Variants in DNAH7 observed in about 807,000 individuals in gnomAD.
DNAH7 encodes the protein axonemal beta dynein heavy chain 7.
DNAH7 carries 397 observed loss-of-function variants against 444.6 expected under a neutral mutation model. The observed-to-expected ratio is 0.89, with a 90% CI of 0.82 to 0.97. The LOEUF is 0.97. Among genes scored for constraint, DNAH7 ranks in the 50% least tolerant of loss-of-function variants. The pLI is 0.00. For synonymous variants in DNAH7, 1,636 were observed against 1,624.4 expected (o/e 1.01, Z -0.17); for missense variants, 4,902 against 4,800.8 (o/e 1.02, Z -0.62).
intron 28 of DNAH7, 55 bp downstream of exon 28, chr2:195,900,226 TA>T: frequency 1.3e-6 from 2 of 1,568,520 alleles, no homozygotes; most frequent in South Asian, 2.2e-5. Context: ...GAAGACCCAT[TA>T]GGCTGGAAAT....
Position 196,047,226 on chromosome 2 carries a change from T to C in DNAH7, c.398+126A>G, listed in dbSNP as rs999812304. On this transcript the variant is annotated intron_variant, in intron 5 of 64. Transcript: ENST00000312428. ...AATCTCTTTCATTCTTTATTTATAC[T>C]CTGACCTCATTCCAACAAGCCTTTG... 3 of 700,610 alleles carry C rather than the reference T, an allele frequency of 4.3e-6. No individual in the cohort carries two copies. In the African/African-American group the frequency reaches 5.5e-5, roughly 13 times the overall value. 43.4% of individuals were successfully genotyped at this position (700,610 alleles called of 1,614,324 possible).
intron 10 of DNAH7, among the ~76,000 whole-genome samples, chr2:196,003,991 G>A (rs1574997356): frequency 6.6e-6 from 1 of 152,116 alleles, no homozygotes; most frequent in African/African-American, 2.4e-5. Context: ...GGTAAGGTGT[G>A]GTTACAGACT....
chr2:195,985,481 G>C (rs1692845971), intron 14 of DNAH7, among the ~76,000 whole-genome samples: 1 of 152,194 alleles, frequency 6.6e-6, no homozygotes, highest in Non-Finnish European at 1.5e-5. Flanking sequence ...TGAGCTCCTA[G>C]GCAGAGAGAA....
At chr2:195,796,030 GT>G (rs1343250586) in intron 56 of DNAH7, among the ~76,000 whole-genome samples, 3 of 152,076 alleles carry the variant, frequency 2.0e-5, no homozygotes, top group Non-Finnish European at 2.9e-5. Context: ...GCTACATGGA[GT>G]TTTTTTCCTG....
At chr2:195,802,500 C>CA (rs978798695) in intron 54 of DNAH7, among the ~76,000 whole-genome samples, 1 of 151,902 alleles carries the variant, frequency 6.6e-6, no homozygotes, top group Non-Finnish European at 1.5e-5. Context: ...AACTCCATCT[C>CA]AAAAAAATTT....
At chr2:195,829,926 C>T (rs898397376) in intron 48 of DNAH7, among the ~76,000 whole-genome samples, 1 of 151,536 alleles carries the variant, frequency 6.6e-6, no homozygotes, top group South Asian at 2.1e-4. Flanking sequence ...TTATATTATG[C>T]GTCTCACCGG....
chr2:195,912,410 T>C (rs1435134521), intron 24 of DNAH7, among the ~76,000 whole-genome samples: 1 of 152,170 alleles, frequency 6.6e-6, no homozygotes, highest in African/African-American at 2.4e-5. Flanking sequence ...TTCCCACTGC[T>C]GGCAAAACAA....
intron 48 of DNAH7, among the ~76,000 whole-genome samples, chr2:195,833,586 A>G (rs1698174760): frequency 6.6e-6 from 1 of 152,206 alleles, no homozygotes; most frequent in Admixed American, 6.5e-5. Flanking sequence ...AGCATGACTA[A>G]TAACCCCAAT....
intron 34 of DNAH7, among the ~76,000 whole-genome samples, 180 bp from the exon 35 acceptor site, chr2:195,884,989 G>A (rs1701626608): frequency 6.6e-6 from 1 of 152,160 alleles, no homozygotes; most frequent in South Asian, 2.1e-4. Context: ...CAAATCGCAT[G>A]CTTATAAAAT....
In DNAH7 at chr2:195,891,732, CGTACA is replaced by C. The variant is rs1559192278; in HGVS notation, c.4964_4968del (p.Leu1655ArgfsTer4). The C allele has an allele frequency of 1.2e-6, 2 of 1,609,162 alleles. No individual in the cohort carries two copies. Among genetic ancestry groups the C allele is most frequent in the South Asian group, 2.2e-5 (2 of 89,658 alleles). ...TCATGGGACACTGAATCAAACTGTCCGTACAGTTGGCCCATGGTGACAGACTTAGG... is the reference window on the plus strand; with the variant it reads ...TCATGGGACACTGAATCAAACTGTCCGTTGGCCCATGGTGACAGACTTAGG... On this transcript the variant is annotated frameshift_variant, in exon 31 of 65. Transcript: ENST00000312428. LOFTEE classifies it high-confidence loss of function.
At chr2:195,907,653 C>A (rs1046920560) in intron 25 of DNAH7, among the ~76,000 whole-genome samples, 15 of 152,244 alleles carry the variant, frequency 9.9e-5, no homozygotes, top group East Asian at 3.9e-4. Flanking sequence ...ATCGAGTACA[C>A]TGTATGTGCC....
intron 27 of DNAH7, chr2:195,902,600 T>C (rs1016332042): frequency 2.6e-5 from 4 of 152,166 alleles, no homozygotes; most frequent in African/African-American, 9.7e-5. Context: ...AGGTTTCCCT[T>C]TGACCACCCT....
chr2:195,963,069 A>G (rs1691219772), intron 17 of DNAH7, among the ~76,000 whole-genome samples: 1 of 152,218 alleles, frequency 6.6e-6, no homozygotes, highest in African/African-American at 2.4e-5. Flanking sequence ...GTTCTGCAAC[A>G]ATCATGGGAA....
intron 12 of DNAH7, chr2:195,994,718 G>C (rs1349441277): frequency 2.0e-6 from 1 of 489,322 alleles, no homozygotes; most frequent in South Asian, 1.6e-5. Context: ...TGGTCTTTAA[G>C]ACCACTAAGT....
rs62203618 is a variant in DNAH7, at chr2:195,738,048, C to A, written c.11948G>T (p.Arg3983Leu). 18 of 1,614,000 alleles carry A rather than the reference C, an allele frequency of 1.1e-5. No homozygotes were observed. The highest frequency in any genetic ancestry group is 4.4e-5 in the South Asian group (4 of 91,082). The change falls in exon 65 of 65, where the codon CGG (arginine) becomes CTG (leucine). Residue 3983 changes from arginine to leucine, a missense_variant. Arg to Leu is a moderately radical substitution (Grantham distance 102). Coordinates refer to ENST00000312428, the MANE Select transcript of DNAH7 (RefSeq NM_018897.3). The part of the protein sequence containing the change: ...YVAPLYKTSE[R>L]RGVLSTTGHS... Reference sequence around the variant, plus strand: ...GCCAGTGGTGGATAATACTCCTCTCCGCTCACTTGTCTTATACAATGGAGC... The same window carrying A: ...GCCAGTGGTGGATAATACTCCTCTCAGCTCACTTGTCTTATACAATGGAGC...
At chr2:195,926,587 T>G (rs1688351337) in intron 21 of DNAH7, 21 bp from the exon 22 acceptor site, 1 of 1,567,384 alleles carries the variant, frequency 6.4e-7, no homozygotes, top group African/African-American at 1.4e-5. Context: ...AAGAATATGC[T>G]AAATATTAAC....
In DNAH7 at chr2:195,796,715, C is replaced by A; in HGVS notation, c.10376G>T (p.Ser3459Ile). The A allele has an allele frequency of 6.2e-7, 1 of 1,614,086 alleles. No homozygotes were observed. Among genetic ancestry groups the A allele is most frequent in the Non-Finnish European group, 8.5e-7 (1 of 1,179,958 alleles). ...TTGGCCTTGACCAAGAGATAAAGAGCTAAGTTTTGATCCCCCATATCCCTG... is the reference window on the plus strand; with the variant it reads ...TTGGCCTTGACCAAGAGATAAAGAGATAAGTTTTGATCCCCCATATCCCTG... The part of the protein sequence containing the change: ...DDQGYGGSKL[S>I]SLSLGQGQGP... The change falls in exon 56 of 65, where the codon AGC (serine) becomes ATC (isoleucine). Residue 3459 changes from serine to isoleucine, a missense_variant. Transcript: ENST00000312428.
intron 5 of DNAH7, among the ~76,000 whole-genome samples, chr2:196,031,923 G>T (rs545642585): frequency 5.4e-4 from 82 of 152,228 alleles, no homozygotes; most frequent in Non-Finnish European, 8.5e-4. Context: ...TTCCAAAGTT[G>T]CTTCCACATT....
At chr2:195,793,091 G>A (rs987575209) in intron 57 of DNAH7, among the ~76,000 whole-genome samples, 4 of 151,694 alleles carry the variant, frequency 2.6e-5, no homozygotes, top group African/African-American at 9.7e-5. Flanking sequence ...CACCAGGCCT[G>A]GCTAATTTTT....
Sources: gnomAD v4.1 joint callset for allele counts (sites outside exome capture counted in the v4.1 genomes callset) on GRCh38, gnomAD v4.1.1 for gene constraint, MANE v1.5 for transcripts, NCBI Gene and HGNC (gene_info 2026-07-23, HGNC 2026-07-21) for gene names.